The following TPTE2 variants were observed in gnomAD, a reference collection of about 807,000 sequenced individuals.
TPTE2 encodes the protein transmembrane phosphoinositide 3-phosphatase and tensin homolog 2.
Under a neutral mutation model 78.6 loss-of-function variants are expected in TPTE2, and 53 were observed. The ratio of observed to expected loss-of-function variants is 0.67; its 90% confidence interval spans 0.54 to 0.85. The LOEUF (loss-of-function observed/expected upper bound fraction) is 0.85, where lower values mean the gene tolerates loss of function less well. Among genes scored for constraint, TPTE2 ranks in the 40% least tolerant of loss-of-function variants. The pLI is 0.00. For synonymous variants in TPTE2, 175 were observed against 206.2 expected (o/e 0.85, Z 1.30); for missense variants, 461 against 623.0 (o/e 0.74, Z 2.77).
the TPTE2 span, among the ~76,000 whole-genome samples, chr13:19,544,928 GCACACTCA>G: frequency 9.3e-5 from 10 of 107,090 alleles, no homozygotes; most frequent in South Asian, 3.4e-4. Flanking sequence ...ACACACACGT[GCACACTCA>G]CACACACACA....
At chr13:19,558,941 A>C in the TPTE2 span, among the ~76,000 whole-genome samples, 2 of 152,208 alleles carry the variant, frequency 1.3e-5, no homozygotes, top group Non-Finnish European at 2.9e-5. Flanking sequence ...CTGTACTTCT[A>C]TTTATCTGTG....
chr13:19,467,303 G>A, exon 7 of TPTE2: 1 of 1,566,164 alleles, frequency 6.4e-7, no homozygotes. Context: ...AATAATGGCA[G>A]TATCTAAAAT....
At chr13:19,464,132 G>A (rs1175245555) in intron 10 of TPTE2, among the ~76,000 whole-genome samples, 1 of 152,184 alleles carries the variant, frequency 6.6e-6, no homozygotes, top group Admixed American at 6.5e-5. Context: ...AGATGACCCA[G>A]TAGCTGCCCA....
chr13:19,479,510 T>G (rs1410184227), intron 4 of TPTE2, among the ~76,000 whole-genome samples: 6 of 152,136 alleles, frequency 3.9e-5, no homozygotes, highest in Non-Finnish European at 8.8e-5. Context: ...ATCAAAGTAT[T>G]TTTAATAAAG....
At position 19,450,068 on chromosome 13, in the gene TPTE2, GTTA is replaced by G. The variant is rs756109924; in HGVS notation, c.973+5_973+7del. The G allele has an allele frequency of 1.9e-6, 3 of 1,610,492 alleles. No homozygotes were observed. Among genetic ancestry groups the G allele is most frequent in the Non-Finnish European group, 2.5e-6 (3 of 1,179,280 alleles). On this transcript the variant is annotated splice_donor_5th_base_variant and intron_variant, in intron 13 of 19. Coordinates refer to ENST00000400230, the Ensembl canonical transcript of TPTE2. ...GAAAGGGAAAAATGAAAAGGAAAATGTTATTACCTTTGCCTCCTTTACAGTGAA... is the reference window on the plus strand; with the variant it reads ...GAAAGGGAAAAATGAAAAGGAAAATGTTACCTTTGCCTCCTTTACAGTGAA...
intron 1 of TPTE2, among the ~76,000 whole-genome samples, chr13:19,494,323 G>A (rs750017368): frequency 2.0e-5 from 3 of 152,152 alleles, no homozygotes; most frequent in Non-Finnish European, 2.9e-5. Flanking sequence ...CTGTATTATC[G>A]TGAACACATC....
chr13:19,441,526 C>T (rs1249371729), intron 13 of TPTE2, among the ~76,000 whole-genome samples: 2 of 152,042 alleles, frequency 1.3e-5, no homozygotes, highest in Non-Finnish European at 2.9e-5. Flanking sequence ...TATAATAATG[C>T]AATTTATCAT....
At chr13:19,546,723 C>G in the TPTE2 span, among the ~76,000 whole-genome samples, 37 of 151,938 alleles carry the variant, frequency 2.4e-4, no homozygotes, top group East Asian at 6.4e-3. Flanking sequence ...CTCCTGACCT[C>G]AGGTGATCCA....
At chr13:19,541,247 A>G (rs189335979), upstream of TPTE2, among the ~76,000 whole-genome samples, 5 of 152,346 alleles carry the variant, frequency 3.3e-5, no homozygotes, top group African/African-American at 7.2e-5. Context: ...GCAGTCTTCT[A>G]TAACATAACA....
chr13:19,510,729 A>G (rs1001912102), intron 1 of TPTE2, among the ~76,000 whole-genome samples: 1 of 152,218 alleles, frequency 6.6e-6, no homozygotes, highest in Non-Finnish European at 1.5e-5. Context: ...TGATGAACTT[A>G]TTCTAAAATA....
At chr13:19,422,942 T>C (rs969190323) in exon 20 of TPTE2, 1 of 1,118,882 alleles carries the variant, frequency 8.9e-7, no homozygotes, top group African/African-American at 1.6e-5. Flanking sequence ...TATAGATGCA[T>C]CATCAAGGAA....
chr13:19,455,631 T>A (rs1271787982), intron 10 of TPTE2, among the ~76,000 whole-genome samples: 2 of 152,146 alleles, frequency 1.3e-5, no homozygotes, highest in South Asian at 2.1e-4. Context: ...GAAAACTACA[T>A]ATCCCTCATG....
intron 1 of TPTE2, among the ~76,000 whole-genome samples, chr13:19,522,144 G>T (rs1015820927): frequency 1.3e-5 from 2 of 152,134 alleles, no homozygotes; most frequent in Non-Finnish European, 2.9e-5. Flanking sequence ...AGTCTCATTA[G>T]ACCCTTAGTA....
chr13:19,496,957 C>T (rs1198195492), intron 1 of TPTE2, among the ~76,000 whole-genome samples: 14 of 152,078 alleles, frequency 9.2e-5, no homozygotes, highest in Admixed American at 2.0e-4. Context: ...GTGCGCGAGC[C>T]GAAGCAGGGC....
chr13:19,560,458 C>T, the TPTE2 span: 8 of 1,605,770 alleles, frequency 5.0e-6, no homozygotes, highest in East Asian at 4.5e-5. Flanking sequence ...TGGCAGTGAG[C>T]GCTGGGCCAC....
At chr13:19,464,848 C>T (rs140846056) in intron 9 of TPTE2, among the ~76,000 whole-genome samples, 1 of 152,288 alleles carries the variant, frequency 6.6e-6, no homozygotes, top group Non-Finnish European at 1.5e-5. Flanking sequence ...TTTCTGGGCA[C>T]CAGTGACGGT....
At chr13:19,537,081 A>C (rs1423056144), upstream of TPTE2, among the ~76,000 whole-genome samples, 1 of 151,906 alleles carries the variant, frequency 6.6e-6, no homozygotes, top group East Asian at 1.9e-4. Flanking sequence ...TTATGCATCT[A>C]AGGGGTACAA....
the TPTE2 span, among the ~76,000 whole-genome samples, chr13:19,550,368 C>T: frequency 2.6e-5 from 4 of 152,272 alleles, no homozygotes; most frequent in Admixed American, 6.5e-5. Context: ...CAATATACCA[C>T]GAGTTCGTGC....
chr13:19,492,102 G>A (rs760790779), intron 3 of TPTE2, among the ~76,000 whole-genome samples: 13 of 151,454 alleles, frequency 8.6e-5, no homozygotes, highest in African/African-American at 2.4e-4. Context: ...CAGGTTTTCC[G>A]TATTACTTAC....
Sources: gnomAD v4.1 joint callset for allele counts (sites outside exome capture counted in the v4.1 genomes callset) on GRCh38, gnomAD v4.1.1 for gene constraint, MANE v1.5 for transcripts, NCBI Gene and HGNC (gene_info 2026-07-23, HGNC 2026-07-21) for gene names.